IGF2BP3: variants seen among roughly 807,000 people sequenced by gnomAD.
The protein encoded by IGF2BP3 is insulin-like growth factor 2 mRNA-binding protein 3.
Under a neutral mutation model 73.8 loss-of-function variants are expected in IGF2BP3, and 9 were observed. The observed-to-expected ratio is 0.12, with a 90% CI of 0.07 to 0.21. The LOEUF (loss-of-function observed/expected upper bound fraction) is 0.21, where lower values mean the gene tolerates loss of function less well. Among genes scored for constraint, IGF2BP3 ranks in the 10% least tolerant of loss-of-function variants. IGF2BP3 has a pLI of 1.00. For synonymous variants in IGF2BP3, 258 were observed against 256.7 expected, an observed-to-expected ratio of 1.01 and a Z score of -0.05; for missense variants, 542 against 714.0, an observed-to-expected ratio of 0.76 and a Z score of 2.75.
intron 12 of IGF2BP3, among the ~76,000 whole-genome samples, chr7:23,315,796 C>G (rs1372024223): frequency 6.6e-6 from 1 of 152,140 alleles, no homozygotes; most frequent in Non-Finnish European, 1.5e-5. Flanking sequence ...AGGTGGTTTA[C>G]CATTCCTTAG....
intron 9 of IGF2BP3, among the ~76,000 whole-genome samples, chr7:23,343,320 T>C (rs916527998): frequency 6.6e-6 from 1 of 152,248 alleles, no homozygotes; most frequent in African/African-American, 2.4e-5. Context: ...TCAGAGAGAC[T>C]GAGTAAATCA....
intron 3 of IGF2BP3, among the ~76,000 whole-genome samples, chr7:23,378,807 C>T (rs902038082): frequency 2.6e-5 from 4 of 151,958 alleles, no homozygotes; most frequent in Admixed American, 6.6e-5. Context: ...CTCTTGACCT[C>T]GTGATTCACC....
chr7:23,334,227 C>T (rs1784515960), intron 10 of IGF2BP3, among the ~76,000 whole-genome samples: 1 of 152,112 alleles, frequency 6.6e-6, no homozygotes, highest in African/African-American at 2.4e-5. Flanking sequence ...ACTCAGGAGG[C>T]TGAGGCAGGA....
intron 3 of IGF2BP3, among the ~76,000 whole-genome samples, chr7:23,406,903 A>C (rs1254082370): frequency 6.6e-6 from 1 of 152,102 alleles, no homozygotes; most frequent in Non-Finnish European, 1.5e-5. Flanking sequence ...TAGACAGAAA[A>C]GTTCTTCAAG....
chr7:23,325,114 A>G (rs1207170075), intron 10 of IGF2BP3, among the ~76,000 whole-genome samples: 1 of 152,138 alleles, frequency 6.6e-6, no homozygotes, highest in African/African-American at 2.4e-5. Context: ...TTCAATTAGG[A>G]AAAGAGGAAG....
intron 2 of IGF2BP3, among the ~76,000 whole-genome samples, chr7:23,448,447 T>C (rs1584055852): frequency 6.6e-6 from 1 of 152,186 alleles, no homozygotes; most frequent in Non-Finnish European, 1.5e-5. Flanking sequence ...TCTCACTCTG[T>C]TGCTCAGGCT....
intron 3 of IGF2BP3, among the ~76,000 whole-genome samples, chr7:23,394,405 T>A (rs113135545): frequency 2.6e-5 from 4 of 152,288 alleles, no homozygotes; most frequent in Non-Finnish European, 5.9e-5. Flanking sequence ...AGGTCGAGGC[T>A]GCAGTGAGCT....
chr7:23,379,579 G>C (rs935090192), intron 3 of IGF2BP3, among the ~76,000 whole-genome samples: 1 of 152,214 alleles, frequency 6.6e-6, no homozygotes, highest in Non-Finnish European at 1.5e-5. Context: ...ATGGTTAGCA[G>C]AAGACAGTTC....
intron 2 of IGF2BP3, among the ~76,000 whole-genome samples, chr7:23,427,779 G>A (rs1048034929): frequency 4.6e-5 from 7 of 152,058 alleles, no homozygotes; most frequent in Middle Eastern, 3.4e-3. Flanking sequence ...AGGCTGAGGA[G>A]GGTGGCTCAC....
intron 3 of IGF2BP3, among the ~76,000 whole-genome samples, chr7:23,390,605 C>G (rs1425073155): frequency 6.6e-6 from 1 of 152,180 alleles, no homozygotes; most frequent in Admixed American, 6.5e-5. Context: ...AATGAAATCC[C>G]TCACATGCCA....
intron 3 of IGF2BP3, among the ~76,000 whole-genome samples, chr7:23,400,215 A>G (rs1215330168): frequency 6.6e-6 from 1 of 152,250 alleles, no homozygotes. Flanking sequence ...TTTGCTGATC[A>G]CAAATAGGCA....
At chr7:23,428,789 G>A (rs1333656255) in intron 2 of IGF2BP3, among the ~76,000 whole-genome samples, 1 of 149,394 alleles carries the variant, frequency 6.7e-6, no homozygotes, top group Non-Finnish European at 1.5e-5. Flanking sequence ...AACATGTTAG[G>A]GACCTGACAT....
At chr7:23,338,327 C>T (rs1024269800) in intron 10 of IGF2BP3, among the ~76,000 whole-genome samples, 5 of 152,120 alleles carry the variant, frequency 3.3e-5, no homozygotes, top group African/African-American at 7.2e-5. Flanking sequence ...AACATTGAAG[C>T]GCCCCTCCAA....
intron 2 of IGF2BP3, among the ~76,000 whole-genome samples, chr7:23,446,398 C>A (rs1465840993): frequency 6.6e-6 from 1 of 152,000 alleles, no homozygotes; most frequent in Non-Finnish European, 1.5e-5. Flanking sequence ...CTCATCTCTA[C>A]TAAAAATACA....
At chr7:23,312,967 G>A (rs1783874364) in intron 13 of IGF2BP3, 119 bp from the exon 14 acceptor site, 2 of 627,642 alleles carry the variant, frequency 3.2e-6, no homozygotes, top group Non-Finnish European at 5.6e-6. Context: ...TTAATCCAGT[G>A]GTAATTCCAT....
intron 2 of IGF2BP3, 75 bp downstream of exon 2, chr7:23,468,404 CAAG>C: frequency 2.7e-6 from 4 of 1,460,210 alleles, no homozygotes; most frequent in Non-Finnish European, 3.8e-6. Flanking sequence ...CACCAGAGGA[CAAG>C]AAGTTCTCAG....
intron 2 of IGF2BP3, among the ~76,000 whole-genome samples, chr7:23,460,471 G>A (rs908603912): frequency 6.6e-6 from 1 of 150,716 alleles, no homozygotes; most frequent in African/African-American, 2.4e-5. Flanking sequence ...GGCAGAGGTT[G>A]CAAGTGAGCC....
chr7:23,437,877 G>C (rs780210670), intron 2 of IGF2BP3, among the ~76,000 whole-genome samples: 1 of 152,182 alleles, frequency 6.6e-6, no homozygotes, highest in East Asian at 1.9e-4. Flanking sequence ...CCATTTTACA[G>C]ATTAAGGAAA....
chr7:23,388,997 T>C (rs1786181286), intron 3 of IGF2BP3, among the ~76,000 whole-genome samples: 1 of 152,186 alleles, frequency 6.6e-6, no homozygotes, highest in African/African-American at 2.4e-5. Flanking sequence ...AGGTAAATCT[T>C]AATGGTTTCA....
Sources: allele counts gnomAD v4.1 joint callset (sites outside exome capture counted in the v4.1 genomes callset), GRCh38; gene constraint gnomAD v4.1.1; transcripts MANE v1.5; gene names NCBI Gene and HGNC (gene_info 2026-07-23, HGNC 2026-07-21).